The following SEMA6D variants were observed in gnomAD, a reference collection of about 807,000 sequenced individuals.
SEMA6D encodes the protein semaphorin-6D.
A neutral mutation model predicts 106.6 loss-of-function variants in SEMA6D; 35 were observed. The ratio of observed to expected loss-of-function variants is 0.33; its 90% CI spans 0.25 to 0.44. The LOEUF (loss-of-function observed/expected upper bound fraction) is 0.44. Ranked by LOEUF, SEMA6D falls within the 20% of genes least tolerant of loss-of-function variation. The pLI is 1.00. For missense variants in SEMA6D, 1,185 were observed against 1,345.9 expected, an observed-to-expected ratio of 0.88 and a Z score of 1.87; for synonymous variants, 499 against 487.7, an observed-to-expected ratio of 1.02 and a Z score of -0.31.
At chr15:47,540,851 G>A (rs1401988592) in intron 3 of SEMA6D, among the ~76,000 whole-genome samples, 1 of 152,126 alleles carries the variant, frequency 6.6e-6, no homozygotes, top group Non-Finnish European at 1.5e-5. Context: ...AGAGTGGGGA[G>A]CACATTTCAG....
chr15:47,256,123 G>A (rs932247428), intron 1 of SEMA6D, among the ~76,000 whole-genome samples: 1 of 152,094 alleles, frequency 6.6e-6, no homozygotes, highest in Non-Finnish European at 1.5e-5. Context: ...TTAATATTGG[G>A]TAGAGTTATT....
rs563916472 is a variant in SEMA6D, at chr15:47,764,622, G to A, written c.1098-16G>A. 2.0e-5 allele frequency: 32 copies of A among 1,613,262 alleles called. No homozygotes were observed. The highest frequency in any genetic ancestry group is 6.6e-5 in the South Asian group (6 of 91,014). ...GGGGCAGCCGAGAGCATAAAATAAC[G>A]CTGTTTTCCTTTCAGGCCTGGCTGT... On this transcript the variant is annotated splice_polypyrimidine_tract_variant and intron_variant, in intron 11 of 18. Coordinates refer to ENST00000536845, the MANE Select transcript of SEMA6D (RefSeq NM_001358351.3).
At chr15:47,373,598 C>T (rs1467379266) in intron 1 of SEMA6D, among the ~76,000 whole-genome samples, 1 of 152,184 alleles carries the variant, frequency 6.6e-6, no homozygotes. Context: ...AACCCATCCA[C>T]ATACACATTG....
intron 1 of SEMA6D, chr15:47,339,369 C>A (rs902195308): frequency 1.3e-5 from 2 of 152,158 alleles, no homozygotes; most frequent in Non-Finnish European, 2.9e-5. Flanking sequence ...GGCCTTCAAC[C>A]CATGGGATGT....
chr15:47,513,778 A>G (rs1375442026), intron 3 of SEMA6D, among the ~76,000 whole-genome samples: 1 of 152,224 alleles, frequency 6.6e-6, no homozygotes, highest in Non-Finnish European at 1.5e-5. Flanking sequence ...AACCAGTCAT[A>G]TGGGTGAGAT....
chr15:47,292,812 T>C (rs1486995951), intron 1 of SEMA6D, among the ~76,000 whole-genome samples: 1 of 152,172 alleles, frequency 6.6e-6, no homozygotes, highest in South Asian at 2.1e-4. Flanking sequence ...AAAATATTTA[T>C]CATTTGTTTT....
chr15:47,669,515 A>G (rs1258125309), intron 4 of SEMA6D, among the ~76,000 whole-genome samples: 2 of 152,166 alleles, frequency 1.3e-5, no homozygotes, highest in Non-Finnish European at 2.9e-5. Flanking sequence ...CCCCTTGGCC[A>G]TCTGCTATGG....
chr15:47,395,229 G>A (rs1291097349), intron 1 of SEMA6D, among the ~76,000 whole-genome samples: 1 of 152,178 alleles, frequency 6.6e-6, no homozygotes, highest in African/African-American at 2.4e-5. Context: ...AGGGGGAAGA[G>A]ATTTTCTTCA....
At chr15:47,527,799 CT>C (rs1464106926) in intron 3 of SEMA6D, 1 of 152,100 alleles carries the variant, frequency 6.6e-6, no homozygotes, top group East Asian at 1.9e-4. Context: ...AAATAATCCA[CT>C]GTTGAAACTG....
In SEMA6D at chr15:47,771,655, A is replaced by G. The variant is rs1156890422; in HGVS notation, c.3092A>G (p.Tyr1031Cys). Residue 1031 changes from tyrosine (Y) to cysteine (C), a missense_variant, in exon 19 of 19, where the codon TAC (tyrosine) becomes TGC (cysteine). By Grantham distance (194) the Tyr-to-Cys change is radical. This residue lies in a region of SEMA6D where 750 missense variants were observed against 783.5 expected (regional missense o/e 0.96). Coordinates refer to ENST00000536845, the MANE Select transcript of SEMA6D (RefSeq NM_001358351.3). ...CCTTCCCTCTCCAGACAGAGCAGCT[A>G]CACCAGTAATGGCACTCTTCCTAGG... Reference protein sequence around the residue: ...LQPSLSRQSSYTSNGTLPRTG... With the variant: ...LQPSLSRQSSCTSNGTLPRTG... 6.2e-7 allele frequency: 1 copy of G among 1,614,126 alleles called. No homozygotes were observed. Among genetic ancestry groups the G allele is most frequent in the East Asian group, 2.2e-5 (1 of 44,866 alleles).
At chr15:47,561,704 T>C (rs2142700890) in intron 3 of SEMA6D, among the ~76,000 whole-genome samples, 1 of 151,596 alleles carries the variant, frequency 6.6e-6, no homozygotes, top group East Asian at 1.9e-4. Context: ...ATATAAACAA[T>C]TCTATAAATG....
chr15:47,499,561 C>G (rs1864526005), intron 3 of SEMA6D, among the ~76,000 whole-genome samples: 1 of 152,022 alleles, frequency 6.6e-6, no homozygotes, highest in Non-Finnish European at 1.5e-5. Flanking sequence ...AGTATGATGA[C>G]TAGGTCATGC....
At chr15:47,192,511 C>T (rs1894030621) in intron 1 of SEMA6D, among the ~76,000 whole-genome samples, 3 of 152,026 alleles carry the variant, frequency 2.0e-5, no homozygotes, top group Admixed American at 2.0e-4. Context: ...TCTTTGAATA[C>T]TGTAAAATTA....
chr15:47,570,248 T>G (rs2046346579), intron 3 of SEMA6D, among the ~76,000 whole-genome samples: 1 of 152,126 alleles, frequency 6.6e-6, no homozygotes, highest in Admixed American at 6.5e-5. Context: ...GCCCTGTGAT[T>G]GAGGAAATGC....
chr15:47,662,772 G>A (rs1461705491), intron 4 of SEMA6D, among the ~76,000 whole-genome samples: 2 of 151,752 alleles, frequency 1.3e-5, no homozygotes, highest in Non-Finnish European at 2.9e-5. Context: ...TTAAGCAGAT[G>A]GCATTTCACC....
intron 1 of SEMA6D, among the ~76,000 whole-genome samples, chr15:47,256,238 A>C (rs1346617964): frequency 6.6e-6 from 1 of 152,206 alleles, no homozygotes; most frequent in East Asian, 1.9e-4. Context: ...AAAGAAAAAA[A>C]ATTTCAAAAA....
intron 1 of SEMA6D, among the ~76,000 whole-genome samples, chr15:47,303,498 C>T (rs559246381): frequency 2.6e-5 from 4 of 152,116 alleles, no homozygotes; most frequent in Non-Finnish European, 5.9e-5. Flanking sequence ...AATCATGCAC[C>T]GTTTCTTGTT....
chr15:47,593,075 C>A (rs1178664679), intron 3 of SEMA6D, among the ~76,000 whole-genome samples: 1 of 152,104 alleles, frequency 6.6e-6, no homozygotes, highest in Admixed American at 6.6e-5. Context: ...TCTAGAATTT[C>A]AGAAGCATTC....
At chr15:47,247,510 A>C (rs2033271986) in intron 1 of SEMA6D, among the ~76,000 whole-genome samples, 3 of 152,212 alleles carry the variant, frequency 2.0e-5, no homozygotes, top group Non-Finnish European at 4.4e-5. Context: ...CATTAAGTTT[A>C]AGAAAATATG....
Sources: allele counts gnomAD v4.1 joint callset (sites outside exome capture counted in the v4.1 genomes callset), GRCh38; gene constraint gnomAD v4.1.1; regional missense constraint gnomAD v4.1.1; transcripts MANE v1.5; gene names NCBI Gene and HGNC (gene_info 2026-07-23, HGNC 2026-07-21).